HSD17B11: variants seen among roughly 807,000 people sequenced by gnomAD.
HSD17B11 encodes the protein hydroxysteroid 17-beta dehydrogenase 11.
Under a neutral mutation model 27.8 loss-of-function variants are expected in HSD17B11, and 22 were observed. The ratio of observed to expected loss-of-function variants is 0.79; its 90% CI spans 0.56 to 1.13. The LOEUF (loss-of-function observed/expected upper bound fraction) is 1.13. Ranked by LOEUF, HSD17B11 falls within the 50% of genes most tolerant of loss-of-function variation. HSD17B11 has a pLI of 0.00. For synonymous variants in HSD17B11, 117 were observed against 132.8 expected (o/e 0.88, Z 0.82); for missense variants, 314 against 351.1 (o/e 0.89, Z 0.84).
At position 87,380,529 on chromosome 4, in the gene HSD17B11, T is replaced by C. The variant is rs115446196; in HGVS notation, c.318+1726A>G. 8.2e-3 allele frequency among the ~76,000 whole-genome samples: 1,196 copies of C among 145,070 alleles called. 5 individuals carry two copies. Among genetic ancestry groups the C allele is most frequent in the Non-Finnish European group, 0.014 (891 of 65,586 alleles). On this transcript the variant is annotated intron_variant, in intron 2 of 6. Coordinates refer to ENST00000358290, the MANE Select transcript of HSD17B11 (RefSeq NM_016245.5). ...AAGAGAAAAAGAAAAAAAGTTCTGATACTAAAATGGCCACCTCAAAATAGC... is the reference window on the plus strand; with the variant it reads ...AAGAGAAAAAGAAAAAAAGTTCTGACACTAAAATGGCCACCTCAAAATAGC...
chr4:87,377,948 A>G (rs1735868383), intron 2 of HSD17B11, among the ~76,000 whole-genome samples: 1 of 152,206 alleles, frequency 6.6e-6, no homozygotes, highest in Non-Finnish European at 1.5e-5. Context: ...TTAAAGATGA[A>G]AACATGAAAC....
intron 2 of HSD17B11, among the ~76,000 whole-genome samples, chr4:87,381,760 CAAAA>C (rs33982875): frequency 2.6e-4 from 35 of 132,732 alleles, no homozygotes; most frequent in African/African-American, 3.1e-4. Context: ...CCCCCCATCT[CAAAA>C]AAAAAAAAAA....
intron 4 of HSD17B11, among the ~76,000 whole-genome samples, chr4:87,369,516 C>T (rs1328767469): frequency 2.0e-5 from 3 of 151,814 alleles, no homozygotes; most frequent in African/African-American, 7.3e-5. Context: ...TCACTGCTGC[C>T]TTCAATTCCT....
intron 4 of HSD17B11, among the ~76,000 whole-genome samples, chr4:87,364,733 T>A (rs1332167059): frequency 2.0e-5 from 3 of 152,226 alleles, no homozygotes; most frequent in Non-Finnish European, 4.4e-5. Context: ...GGATCCAGGA[T>A]CCAGTATAAA....
At chr4:87,353,700 C>G (rs1735327306) in intron 5 of HSD17B11, among the ~76,000 whole-genome samples, 1 of 152,036 alleles carries the variant, frequency 6.6e-6, no homozygotes. Flanking sequence ...GCGCTGGAGC[C>G]CACGTTAAGG....
At chr4:87,355,449 G>GA (rs1735365950) in intron 5 of HSD17B11, among the ~76,000 whole-genome samples, 3 of 150,252 alleles carry the variant, frequency 2.0e-5, no homozygotes, top group South Asian at 4.3e-4. Context: ...AAGTCCATGA[G>GA]AAAAAAATCC....
At chr4:87,387,789 A>G (rs1374927782) in intron 1 of HSD17B11, among the ~76,000 whole-genome samples, 1 of 152,218 alleles carries the variant, frequency 6.6e-6, no homozygotes, top group Non-Finnish European at 1.5e-5. Context: ...TATTTAAATT[A>G]AACTAATTTA....
chr4:87,387,580 T>C (rs1305530116), intron 1 of HSD17B11, among the ~76,000 whole-genome samples: 3 of 152,212 alleles, frequency 2.0e-5, no homozygotes, highest in African/African-American at 7.2e-5. Context: ...CTCAGCCTTC[T>C]ATAATTTCAA....
chr4:87,382,811 TGAA>T (rs1419454702), intron 1 of HSD17B11, among the ~76,000 whole-genome samples: 6 of 152,200 alleles, frequency 3.9e-5, no homozygotes, highest in Admixed American at 3.3e-4. Flanking sequence ...CATTTTAATG[TGAA>T]GGTCATATTC....
intron 4 of HSD17B11, among the ~76,000 whole-genome samples, chr4:87,364,409 AG>A (rs536101712): frequency 2.5e-4 from 38 of 151,576 alleles, no homozygotes; most frequent in Non-Finnish European, 5.0e-4. Flanking sequence ...AGTTTGGGGG[AG>A]GGGGGTTATC....
At chr4:87,366,163 G>T (rs1281095889) in intron 4 of HSD17B11, 1 of 152,022 alleles carries the variant, frequency 6.6e-6, no homozygotes, top group Non-Finnish European at 1.5e-5. Context: ...GGCCTTTGTG[G>T]AAGGTTTATA....
intron 2 of HSD17B11, among the ~76,000 whole-genome samples, chr4:87,378,787 AT>A (rs1169318915): frequency 8.9e-6 from 1 of 111,756 alleles, no homozygotes; most frequent in African/African-American, 3.4e-5. Context: ...GCGTGTATAT[AT>A]ATATGATTTT....
intron 4 of HSD17B11, 35 bp downstream of exon 4, chr4:87,372,674 A>C: frequency 7.8e-7 from 1 of 1,283,006 alleles, no homozygotes; most frequent in Non-Finnish European, 1.1e-6. Flanking sequence ...CAAGGTAGGC[A>C]TAAGAACCAA....
intron 4 of HSD17B11, among the ~76,000 whole-genome samples, chr4:87,362,081 G>A (rs1319968895): frequency 6.6e-6 from 1 of 152,250 alleles, no homozygotes; most frequent in East Asian, 1.9e-4. Flanking sequence ...CCTGGGTAAA[G>A]AATGGGATTG....
intron 2 of HSD17B11, among the ~76,000 whole-genome samples, chr4:87,377,760 C>T (rs1330514574): frequency 2.6e-5 from 4 of 152,256 alleles, no homozygotes; most frequent in Admixed American, 6.5e-5. Flanking sequence ...AAACCTAGCT[C>T]TATTAACAGA....
intron 5 of HSD17B11, among the ~76,000 whole-genome samples, chr4:87,343,547 CTTTT>C (rs11369073): frequency 8.0e-6 from 1 of 125,528 alleles, no homozygotes. Context: ...CATTTCAACT[CTTTT>C]TTTTTTTTTT....
In HSD17B11 at chr4:87,374,785, C is replaced by G; in HGVS notation, c.364G>C (p.Gly122Arg). The change falls in exon 3 of 7, where the codon GGT (glycine) becomes CGT (arginine). Residue 122 changes from glycine to arginine, a missense_variant. Coordinates refer to ENST00000358290, the MANE Select transcript of HSD17B11 (RefSeq NM_016245.5). ...GDVSILVNNA[G>R]VVYTSDLFAT... ...AACAAATCTGATGTATAGACTACAC[C>G]AGCATTATTTACTAAAATACTAACA... The G allele has an allele frequency of 6.3e-7, 1 of 1,592,538 alleles. No individual in the cohort carries two copies. Among genetic ancestry groups the G allele is most frequent in the Non-Finnish European group, 8.5e-7 (1 of 1,169,786 alleles).
chr4:87,371,181 C>T (rs79894833), intron 4 of HSD17B11, among the ~76,000 whole-genome samples: 2,149 of 152,092 alleles, frequency 0.014, 45 homozygotes, highest in African/African-American at 0.049. Flanking sequence ...TTATGTCATT[C>T]GTAAATAATA....
rs546568182 is a variant in HSD17B11 at position 87,354,742 on chromosome 4, T to C, written c.695+2537A>G. On this transcript the variant is annotated intron_variant, in intron 5 of 6. Transcript: ENST00000358290. ...GGCCACACTGAATATTTTTCATTAA[T>C]TTTAAATACATTTTCAACAAAGGCA... Among the ~76,000 whole-genome samples, 3 of 151,974 alleles carry C rather than the reference T, an allele frequency of 2.0e-5. No individual in the cohort carries two copies. The South Asian group carries it at 6.2e-4, about 32-fold the overall frequency.
Sources: allele counts gnomAD v4.1 joint callset (sites outside exome capture counted in the v4.1 genomes callset), GRCh38; gene constraint gnomAD v4.1.1; transcripts MANE v1.5; gene names NCBI Gene and HGNC (gene_info 2026-07-23, HGNC 2026-07-21).